The following ZNF644 variants were observed in gnomAD, a reference collection of about 807,000 sequenced individuals.
ZNF644 encodes zinc finger motif enhancer binding protein 2.
A neutral mutation model predicts 108.0 loss-of-function variants in ZNF644; 20 were observed. The observed-to-expected ratio is 0.19, with a 90% CI of 0.13 to 0.27. The LOEUF is 0.27. ZNF644 is among the 10% of genes least tolerant of loss of function. The pLI, the probability that ZNF644 is intolerant of heterozygous loss-of-function variation, is 1.00. For synonymous variants in ZNF644, 542 were observed against 539.1 expected (o/e 1.01, Z -0.08); for missense variants, 1,338 against 1,548.9 (o/e 0.86, Z 2.29).
chr1:90,987,410 A>T (rs968322844), intron 1 of ZNF644, among the ~76,000 whole-genome samples: 1 of 152,040 alleles, frequency 6.6e-6, no homozygotes, highest in African/African-American at 2.4e-5. Flanking sequence ...ACAATTATAC[A>T]TCAACAATTG....
intron 2 of ZNF644, among the ~76,000 whole-genome samples, chr1:90,953,310 T>G (rs2101061894): frequency 6.6e-6 from 1 of 152,098 alleles, no homozygotes; most frequent in South Asian, 2.1e-4. Context: ...TTTTTTTTTT[T>G]TTTTGGTTTC....
chr1:90,991,913 C>T (rs187381646), intron 1 of ZNF644, among the ~76,000 whole-genome samples: 252 of 152,168 alleles, frequency 1.7e-3, no homozygotes, highest in Non-Finnish European at 2.9e-3. Context: ...GAAACACTAG[C>T]GGAAAAATGT....
intron 1 of ZNF644, among the ~76,000 whole-genome samples, chr1:91,005,804 T>A (rs1570566882): frequency 6.6e-6 from 1 of 152,014 alleles, no homozygotes; most frequent in South Asian, 2.1e-4. Context: ...TAGCTATATA[T>A]GACTACATTA....
chr1:90,960,674 C>T (rs1212525108), intron 2 of ZNF644, among the ~76,000 whole-genome samples: 2 of 152,064 alleles, frequency 1.3e-5, no homozygotes, highest in African/African-American at 4.8e-5. Context: ...ACTACTCAAC[C>T]AAAGCCCAAA....
chr1:90,991,812 C>T (rs1304195931), intron 1 of ZNF644, among the ~76,000 whole-genome samples: 1 of 152,134 alleles, frequency 6.6e-6, no homozygotes, highest in African/African-American at 2.4e-5. Context: ...TTGGGAATTA[C>T]AATTCAACAT....
At chr1:90,969,011 A>G (rs1415290406) in intron 2 of ZNF644, among the ~76,000 whole-genome samples, 2 of 152,222 alleles carry the variant, frequency 1.3e-5, no homozygotes, top group African/African-American at 4.8e-5. Flanking sequence ...TTCAGTAAGC[A>G]GCATCTGATA....
At position 90,962,751 on chromosome 1, in the gene ZNF644, A is replaced by G. The variant is rs117371897; in HGVS notation, c.44+19559T>C. 2.0e-3 allele frequency among the ~76,000 whole-genome samples: 306 copies of G among 152,152 alleles called. 8 individuals carry two copies. The East Asian group carries it at 0.041, about 21-fold the overall frequency. The stretch of plus-strand genomic sequence containing the variant: ...ACCAGAGTACTCCACTCACTCAGTT[A>G]TAAAAACTAAACATGTATTCACACT... On this transcript the variant is annotated intron_variant, in intron 2 of 5. Coordinates refer to ENST00000337393, the MANE Select transcript of ZNF644 (RefSeq NM_201269.3).
chr1:90,927,789 TTC>T (rs146000630), intron 4 of ZNF644, among the ~76,000 whole-genome samples: 16 of 150,980 alleles, frequency 1.1e-4, no homozygotes, highest in South Asian at 4.2e-4. Context: ...CTTATTTTTC[TTC>T]TCTCTCTCTC....
chr1:91,010,736 T>C (rs542243903), intron 1 of ZNF644, among the ~76,000 whole-genome samples: 5 of 108,652 alleles, frequency 4.6e-5, no homozygotes, highest in African/African-American at 1.5e-4. Flanking sequence ...ATGAGCTCTT[T>C]GGAGTAGAAG....
At position 90,938,775 on chromosome 1, in the gene ZNF644, G is replaced by C. The variant is rs1302607383; in HGVS notation, c.2579C>G (p.Ser860Cys). Reference protein sequence around the residue: ...KDSYETEDESSWDNVELGDYT... With the variant: ...KDSYETEDESCWDNVELGDYT... ...GTCTCCTAACTCAACATTATCCCAG[G>C]AACTTTCATCTTCTGTTTCATAACT... Residue 860 changes from serine (S) to cysteine (C), a missense_variant, in exon 3 of 6, where the codon TCC becomes TGC. Ser to Cys is a moderately radical substitution (Grantham distance 112). This residue lies in a region of ZNF644 where 462 missense variants were observed against 472.6 expected (regional missense o/e 0.98). Transcript: ENST00000337393. The surrounding 1 kb of genome is among the most constrained non-coding windows in gnomAD (Gnocchi z 4.2). 1.9e-6 allele frequency: 3 copies of C among 1,613,536 alleles called. No homozygotes were observed. In the South Asian group the frequency reaches 3.3e-5, roughly 18 times the overall value.
intron 4 of ZNF644, among the ~76,000 whole-genome samples, chr1:90,926,321 G>A (rs988740152): frequency 6.6e-6 from 1 of 152,102 alleles, no homozygotes; most frequent in Non-Finnish European, 1.5e-5. Context: ...TGCACACTAA[G>A]CTTGTGTGCA....
intron 2 of ZNF644, among the ~76,000 whole-genome samples, chr1:90,959,299 A>C (rs1654083505): frequency 6.6e-6 from 1 of 152,210 alleles, no homozygotes; most frequent in Non-Finnish European, 1.5e-5. Flanking sequence ...AGAGACCCTC[A>C]TACACTGCTG....
intron 4 of ZNF644, among the ~76,000 whole-genome samples, chr1:90,926,785 T>G (rs565290134): frequency 6.6e-6 from 1 of 152,326 alleles, no homozygotes; most frequent in African/African-American, 2.4e-5. Flanking sequence ...TTTACATTCT[T>G]AATGTCACTG....
intron 4 of ZNF644, chr1:90,935,487 C>T (rs1323021027): frequency 7.1e-6 from 7 of 985,742 alleles, no homozygotes; most frequent in Non-Finnish European, 8.4e-6. Flanking sequence ...CACTTGTAAA[C>T]GTCGTATTGC....
chr1:90,950,767 G>A (rs1361569036), intron 2 of ZNF644, among the ~76,000 whole-genome samples: 1 of 152,092 alleles, frequency 6.6e-6, no homozygotes, highest in Admixed American at 6.5e-5. Flanking sequence ...TCTTCAAACT[G>A]GGCTATGTAT....
intron 1 of ZNF644, among the ~76,000 whole-genome samples, chr1:91,003,126 T>C (rs1291146477): frequency 1.3e-5 from 2 of 152,196 alleles, no homozygotes; most frequent in Non-Finnish European, 2.9e-5. Context: ...AGCGTGGTGA[T>C]TCCTCAAGGA....
rs573618528 is a variant in ZNF644 at position 90,938,462 on chromosome 1, C to T, written c.2892G>A (p.Ser964=). 28 of 1,613,920 alleles carry T rather than the reference C, an allele frequency of 1.7e-5. No individual in the cohort carries two copies. In the East Asian group the frequency reaches 2.9e-4, roughly 17 times the overall value. ...CAAATGTTGCTGGGCAGTAAGGACA[C>T]GATTTCTTCTCAAGAGACAAATCAG... ...HWTDLSLEKK[S]CPYCPATFET... The change falls in exon 3 of 6, where the codon TCG becomes TCA. Residue 964 remains serine (S), a synonymous_variant. Coordinates refer to ENST00000337393, the MANE Select transcript of ZNF644 (RefSeq NM_201269.3). The surrounding 1 kb of genome is among the most constrained non-coding windows in gnomAD (Gnocchi z 4.2).
Position 90,941,314 on chromosome 1 carries a change from A to G in ZNF644, c.45-5T>C. On this transcript the variant is annotated splice_region_variant and splice_polypyrimidine_tract_variant and intron_variant, in intron 2 of 5. Transcript: ENST00000337393. ...AGCCCATTTAACACATTTAGTCTAG[A>G]AAATGGAAAAAAAAAATTTAGATTT... is the stretch of plus-strand genomic sequence containing the variant. 1 of 1,596,780 alleles carries G rather than the reference A, an allele frequency of 6.3e-7. No individual in the cohort carries two copies. Among genetic ancestry groups the G allele is most frequent in the Non-Finnish European group, 8.5e-7 (1 of 1,176,090 alleles).
chr1:90,943,170 G>A (rs1188125147), intron 2 of ZNF644, among the ~76,000 whole-genome samples: 2 of 151,986 alleles, frequency 1.3e-5, no homozygotes, highest in Non-Finnish European at 2.9e-5. Context: ...GGCTGGGCGC[G>A]GTGGCTCACT....
Sources: allele counts gnomAD v4.1 joint callset (sites outside exome capture counted in the v4.1 genomes callset), GRCh38; gene constraint gnomAD v4.1.1; regional missense constraint gnomAD v4.1.1; non-coding constraint Gnocchi (gnomAD v3.1); transcripts MANE v1.5; gene names NCBI Gene and HGNC (gene_info 2026-07-23, HGNC 2026-07-21).